SLIT3: variants seen among roughly 807,000 people sequenced by gnomAD.
SLIT3 encodes slit guidance ligand 3.
In SLIT3, 68 loss-of-function variants were observed where a neutral mutation model predicts 184.0. That is an observed-to-expected ratio of 0.37 (90% CI 0.30 to 0.45). SLIT3 has a LOEUF of 0.45. SLIT3 is among the 20% of genes least tolerant of loss of function. The probability of loss-of-function intolerance (pLI) is 1.00; values close to 1 mark genes in which losing one functional copy is unlikely to be tolerated. For missense variants in SLIT3, 1,707 were observed against 2,026.0 expected (o/e 0.84, Z 3.02); for synonymous variants, 831 against 828.6 (o/e 1.00, Z -0.05).
At chr5:169,098,926 C>A (rs1181754678) in intron 4 of SLIT3, among the ~76,000 whole-genome samples, 2 of 151,978 alleles carry the variant, frequency 1.3e-5, no homozygotes, top group Admixed American at 1.3e-4. Context: ...ACACCTGGGC[C>A]GGCAGAAAAA....
rs148288563 is a variant in SLIT3 at position 168,863,466 on chromosome 5, A to G, written c.486-18811T>C. ...TATCTCAGGGCTGGTCAAGGCCACA[A>G]TCAGAAATGCCCGTTGAATACAAAT... On this transcript the variant is annotated intron_variant, in intron 5 of 35. Transcript: ENST00000519560. Among the ~76,000 whole-genome samples, 307 of 152,330 alleles carry G rather than the reference A, an allele frequency of 2.0e-3. 1 individual carries two copies. Among genetic ancestry groups the G allele is most frequent in the African/African-American group, 6.9e-3 (285 of 41,576 alleles).
intron 2 of SLIT3, among the ~76,000 whole-genome samples, chr5:169,247,418 A>G (rs1334804789): frequency 6.6e-6 from 1 of 152,110 alleles, no homozygotes; most frequent in Non-Finnish European, 1.5e-5. Context: ...CTTTGTAGTC[A>G]TTATTTCCTT....
intron 23 of SLIT3, chr5:168,719,849 T>C (rs1311892242): frequency 1.3e-5 from 2 of 152,224 alleles, no homozygotes; most frequent in African/African-American, 4.8e-5. Flanking sequence ...TGAGGTGCTC[T>C]AAGATCCCTT....
Position 168,666,505 on chromosome 5 carries a change from A to G in SLIT3, c.4521T>C (p.Phe1507=), listed in dbSNP as rs1197439278. ...CTAAGTGTCTCTCCACCTCTTCTAC[A>G]AACGAGGAGCCGTCCGTGCACTGGA... ...YVFQCTDGSS[F]VEEVERHLEC... The change falls in exon 36 of 36, where the codon TTT becomes TTC. Residue 1507 remains phenylalanine, a synonymous_variant. Coordinates refer to ENST00000519560, the MANE Select transcript of SLIT3 (RefSeq NM_003062.4). The G allele has an allele frequency of 6.2e-7, 1 of 1,607,268 alleles. No homozygotes were observed. Among genetic ancestry groups the G allele is most frequent in the Non-Finnish European group, 8.5e-7 (1 of 1,176,416 alleles).
intron 1 of SLIT3, among the ~76,000 whole-genome samples, chr5:169,282,693 CTG>C (rs1257321924): frequency 1.3e-5 from 2 of 152,184 alleles, no homozygotes; most frequent in Non-Finnish European, 2.9e-5. Context: ...ACAAAGAAAA[CTG>C]TGCTAGAAGC....
intron 4 of SLIT3, among the ~76,000 whole-genome samples, chr5:168,975,318 T>C (rs545029836): frequency 1.3e-5 from 2 of 152,300 alleles, no homozygotes; most frequent in African/African-American, 4.8e-5. Flanking sequence ...GAACTCTGCT[T>C]CTGAAATCCT....
rs748514033 is a variant in SLIT3, at chr5:168,710,984, T to G, written c.2630A>C (p.Lys877Thr). 6 of 1,570,310 alleles carry G rather than the reference T, an allele frequency of 3.8e-6. No individual in the cohort carries two copies. Among genetic ancestry groups the G allele is most frequent in the Non-Finnish European group, 5.2e-6 (6 of 1,156,736 alleles). ...ACTGCAGCGGGCGATGCCAGGCTCC[T>G]TGTACCCCGCCTTCACCCACTCCGA... Reference protein sequence around the residue: ...WLSEWVKAGYKEPGIARCSSP... With the variant: ...WLSEWVKAGYTEPGIARCSSP... The change falls in exon 25 of 36, where the codon AAG (lysine) becomes ACG (threonine). Residue 877 changes from lysine (K) to threonine (T), a missense_variant. Coordinates refer to ENST00000519560, the MANE Select transcript of SLIT3 (RefSeq NM_003062.4).
intron 3 of SLIT3, among the ~76,000 whole-genome samples, chr5:169,244,036 C>A (rs1765493095): frequency 6.6e-6 from 1 of 152,218 alleles, no homozygotes; most frequent in African/African-American, 2.4e-5. Flanking sequence ...GAGTTTTCTG[C>A]AAAAGTATTC....
At chr5:168,984,644 T>A (rs1463610830) in intron 4 of SLIT3, among the ~76,000 whole-genome samples, 1 of 152,204 alleles carries the variant, frequency 6.6e-6, no homozygotes, top group Non-Finnish European at 1.5e-5. Context: ...AAACCACTTG[T>A]GCCCTACTTT....
intron 4 of SLIT3, among the ~76,000 whole-genome samples, chr5:168,925,290 G>A (rs914074848): frequency 9.9e-5 from 15 of 152,270 alleles, no homozygotes; most frequent in Admixed American, 3.9e-4. Context: ...CAGAACTGAC[G>A]CACCAAGGGA....
intron 18 of SLIT3, among the ~76,000 whole-genome samples, chr5:168,751,510 C>T (rs1754709170): frequency 6.6e-6 from 1 of 152,166 alleles, no homozygotes; most frequent in Non-Finnish European, 1.5e-5. Flanking sequence ...GAAATGGAAA[C>T]ACACAGAGAT....
At chr5:168,854,377 C>T (rs1758783272) in intron 5 of SLIT3, among the ~76,000 whole-genome samples, 1 of 147,830 alleles carries the variant, frequency 6.8e-6, no homozygotes, top group Non-Finnish European at 1.5e-5. Context: ...GCAGCACACT[C>T]AACAGTGTCC....
chr5:169,034,012 C>A (rs1330198590), intron 4 of SLIT3, among the ~76,000 whole-genome samples: 1 of 151,964 alleles, frequency 6.6e-6, no homozygotes, highest in Non-Finnish European at 1.5e-5. Flanking sequence ...CGGGTTTTCA[C>A]CATGTTGGCC....
rs146887058 is a variant in SLIT3, at chr5:168,774,356, T to C, written c.1174A>G (p.Asn392Asp). The change falls in exon 13 of 36, where the codon AAC becomes GAC. Residue 392 changes from asparagine to aspartate, a missense_variant. By Grantham distance (23) the Asn-to-Asp change is conservative. This residue lies in a region of SLIT3 where 1,307 missense variants were observed against 1,511.6 expected (regional missense o/e 0.86). Coordinates refer to ENST00000519560, the MANE Select transcript of SLIT3 (RefSeq NM_003062.4). ...TGAAACGTGTTCACCCGCAGGCAGT[T>C]GATCTTGTTGGCATTGAGGAGGCTG... ...QLLLLNANKI[N>D]CLRVNTFQDL... 6.2e-7 allele frequency: 1 copy of C among 1,613,230 alleles called. No individual in the cohort carries two copies. The highest frequency in any genetic ancestry group is 1.7e-5 in the Admixed American group (1 of 59,838).
chr5:168,935,093 G>A (rs1371566637), intron 4 of SLIT3, among the ~76,000 whole-genome samples: 2 of 141,822 alleles, frequency 1.4e-5, no homozygotes, highest in Non-Finnish European at 3.0e-5. Context: ...AGCCGACATC[G>A]CACCACTGCA....
chr5:168,693,287 A>T (rs1761960202), intron 28 of SLIT3, among the ~76,000 whole-genome samples: 1 of 152,216 alleles, frequency 6.6e-6, no homozygotes, highest in Non-Finnish European at 1.5e-5. Context: ...AGACACAGAC[A>T]AGGCTTAGCA....
intron 4 of SLIT3, among the ~76,000 whole-genome samples, chr5:169,030,872 C>T (rs80320315): frequency 0.11 from 16,020 of 152,114 alleles, 1,105 homozygotes; most frequent in East Asian, 0.41. Flanking sequence ...GAATAGAATA[C>T]GGCTTTCTAA....
intron 4 of SLIT3, among the ~76,000 whole-genome samples, chr5:169,160,029 A>G (rs1205388263): frequency 1.3e-5 from 2 of 152,234 alleles, no homozygotes; most frequent in African/African-American, 4.8e-5. Flanking sequence ...TTGGTAGAGC[A>G]GAACTACCAT....
intron 20 of SLIT3, among the ~76,000 whole-genome samples, chr5:168,735,285 GCTGA>G (rs1474594038): frequency 6.6e-6 from 1 of 152,154 alleles, no homozygotes; most frequent in East Asian, 1.9e-4. Context: ...GCTTTGGGGT[GCTGA>G]CTGATGCCCC....
Sources: gnomAD v4.1 joint callset for allele counts (sites outside exome capture counted in the v4.1 genomes callset) on GRCh38, gnomAD v4.1.1 for gene constraint, gnomAD v4.1.1 regional missense constraint, MANE v1.5 for transcripts, NCBI Gene and HGNC (gene_info 2026-07-23, HGNC 2026-07-21) for gene names.